The following PLXNA1 variants were observed in gnomAD, a reference collection of about 807,000 sequenced individuals.
The protein encoded by PLXNA1 is plexin A1.
PLXNA1 carries 77 observed loss-of-function variants against 191.7 expected under a neutral mutation model. That is an observed-to-expected ratio of 0.40 (90% CI 0.33 to 0.49). The LOEUF (loss-of-function observed/expected upper bound fraction) is 0.49. PLXNA1 is among the 20% of genes least tolerant of loss of function. The pLI is 0.63. For missense variants in PLXNA1, 2,110 were observed against 2,660.2 expected (o/e 0.79, Z 4.55); for synonymous variants, 1,137 against 1,156.4 (o/e 0.98, Z 0.34).
chr3:126,993,035 C>T (rs73194710), intron 3 of PLXNA1, among the ~76,000 whole-genome samples: 11,880 of 152,196 alleles, frequency 0.078, 576 homozygotes, highest in South Asian at 0.21. Flanking sequence ...AGCCAGTGAC[C>T]AGGTTCCTCT....
In PLXNA1 at chr3:126,984,744, G is replaced by A. The variant is rs562760811; in HGVS notation, c.-74+1457G>A. 3.3e-5 allele frequency among the ~76,000 whole-genome samples: 5 copies of A among 152,334 alleles called. No individual in the cohort carries two copies. In the South Asian group the frequency reaches 1.0e-3, roughly 32 times the overall value. On this transcript the variant is annotated intron_variant, in intron 1 of 31. Transcript: ENST00000393409. ...GACACATGAGGTGCCTGTGGACAAA[G>A]CAGACAGCCCTTTGCTGGACTCCTG... is the stretch of plus-strand genomic sequence containing the variant.
At position 126,991,572 on chromosome 3, in the gene PLXNA1, G is replaced by T; in HGVS notation, c.1377+6G>T. The T allele has an allele frequency of 5.8e-6, 9 of 1,557,422 alleles. No individual in the cohort carries two copies. Among genetic ancestry groups the T allele is most frequent in the Non-Finnish European group, 7.8e-6 (9 of 1,147,370 alleles). ...GAAGTGGCCGCATCCGCAAGGTCAG[G>T]CCTGGGTGGGGTGGGGTGAGGAGGG... On this transcript the variant is annotated splice_donor_region_variant and intron_variant, in intron 3 of 31. Transcript: ENST00000393409.
chr3:127,004,910 C>T lies in PLXNA1; in HGVS notation c.1645C>T (p.Arg549Ter), dbSNP rs1337289788. Residue 549 changes from arginine (R) to a stop codon, truncating the protein, a stop_gained, in exon 6 of 32, where the codon CGA (arginine) becomes TGA (stop). Coordinates refer to ENST00000393409, the MANE Select transcript of PLXNA1 (RefSeq NM_032242.4). LOFTEE classifies it high-confidence loss of function. ...SICSRRDACERADEPQRFAAD... is the reference protein window; with the variant it reads ...SICSRRDACE ...CTGCTCGCGGCGGGACGCCTGTGAG[C>T]GAGCAGACGAGCCCCAGCGCTTTGC... The T allele has an allele frequency of 2.5e-6, 4 of 1,604,236 alleles. No individual in the cohort carries two copies. Among genetic ancestry groups the T allele is most frequent in the South Asian group, 1.1e-5 (1 of 90,544 alleles).
intron 3 of PLXNA1, among the ~76,000 whole-genome samples, chr3:127,000,430 G>A (rs1392663250): frequency 6.6e-6 from 1 of 152,140 alleles, no homozygotes; most frequent in African/African-American, 2.4e-5. Flanking sequence ...TCGGCACGTG[G>A]GCTCCCGGCC....
At chr3:127,023,388 A>G (rs898294716) in intron 23 of PLXNA1, among the ~76,000 whole-genome samples, 4 of 152,102 alleles carry the variant, frequency 2.6e-5, no homozygotes, top group African/African-American at 9.7e-5. Context: ...CGATGTTGGG[A>G]CTTTTACAGA....
At chr3:126,986,374 C>T (rs1288293085) in intron 1 of PLXNA1, among the ~76,000 whole-genome samples, 1 of 152,188 alleles carries the variant, frequency 6.6e-6, no homozygotes, top group African/African-American at 2.4e-5. Context: ...CTAGGAGCAC[C>T]CTGCAGTTCC....
chr3:127,018,298 G>T lies in PLXNA1; in HGVS notation c.3665G>T (p.Arg1222Leu). The T allele has an allele frequency of 6.3e-7, 1 of 1,599,700 alleles. No individual in the cohort carries two copies. The highest frequency in any genetic ancestry group is 8.5e-7 in the Non-Finnish European group (1 of 1,173,426). Residue 1222 changes from arginine to leucine, a missense_variant, in exon 20 of 32, where the codon CGG (arginine) becomes CTG (leucine). By Grantham distance (102) the Arg-to-Leu change is moderately radical. Transcript: ENST00000393409. The part of the protein sequence containing the change: ...NLTGQHKVTV[R>L]AGGFEFSPGT... ...GTGGCCTCCACCCACTGGCAGGTGC[G>T]GGCAGGTGGCTTCGAGTTCTCGCCA...
At chr3:126,999,591 C>T (rs2079030073) in intron 3 of PLXNA1, among the ~76,000 whole-genome samples, 1 of 152,226 alleles carries the variant, frequency 6.6e-6, no homozygotes, top group Admixed American at 6.5e-5. Context: ...TGCCCTCAGC[C>T]CGGAGAATGG....
intron 30 of PLXNA1, 22 bp downstream of exon 30, chr3:127,032,621 C>A (rs756162633): frequency 1.3e-6 from 2 of 1,591,708 alleles, no homozygotes; most frequent in Admixed American, 3.3e-5. Context: ...GTGCAGGGGT[C>A]GGGGGCAGGG....
intron 3 of PLXNA1, among the ~76,000 whole-genome samples, chr3:126,995,315 C>T (rs2079010082): frequency 6.6e-6 from 1 of 152,106 alleles, no homozygotes; most frequent in South Asian, 2.1e-4. Context: ...CCTCCCGTGG[C>T]CTCTGGGGAC....
intron 31 of PLXNA1, among the ~76,000 whole-genome samples, chr3:127,033,103 C>A (rs367964033): frequency 2.0e-5 from 3 of 152,202 alleles, no homozygotes; most frequent in Non-Finnish European, 4.4e-5. Flanking sequence ...CTTCCTGAGG[C>A]AGAGGGTGTG....
In PLXNA1 at chr3:127,018,370, T is replaced by C; in HGVS notation, c.3737T>C (p.Ile1246Thr). 9 of 1,613,034 alleles carry C rather than the reference T, an allele frequency of 5.6e-6. No homozygotes were observed. Among genetic ancestry groups the C allele is most frequent in the Non-Finnish European group, 6.8e-6 (8 of 1,179,960 alleles). ...GACAGCCTGCTGACGCTGCCTGCCATTGTGGGCATTGGCGGAGGCGGGGGT... is the reference window on the plus strand; with the variant it reads ...GACAGCCTGCTGACGCTGCCTGCCACTGTGGGCATTGGCGGAGGCGGGGGT... ...YSDSLLTLPA[I>T]VGIGGGGGLL... The change falls in exon 20 of 32, where the codon ATT (isoleucine) becomes ACT (threonine). Residue 1246 changes from isoleucine to threonine, a missense_variant. Physicochemically the swap from Ile to Thr is moderately conservative, Grantham distance 89. Transcript: ENST00000393409.
chr3:127,032,027 C>T (rs989215665), intron 29 of PLXNA1: 17 of 248,938 alleles, frequency 6.8e-5, no homozygotes, highest in Admixed American at 5.5e-4. Context: ...AGCTGAGCTG[C>T]AGGTCTCAGT....
intron 9 of PLXNA1, among the ~76,000 whole-genome samples, chr3:127,009,146 G>C (rs78411776): frequency 6.6e-6 from 1 of 152,140 alleles, no homozygotes; most frequent in Non-Finnish European, 1.5e-5. Flanking sequence ...TGGCTTTGGC[G>C]CTGTGCGCAG....
intron 17 of PLXNA1, 96 bp from the exon 18 acceptor site, chr3:127,017,329 A>G: frequency 6.7e-7 from 1 of 1,490,810 alleles, no homozygotes; most frequent in East Asian, 2.4e-5. Context: ...TCATCTGTGC[A>G]GGGAGCAGGC....
Position 127,003,330 on chromosome 3 carries a change from A to G in PLXNA1, c.1378A>G (p.Ile460Val), listed in dbSNP as rs1272145423. 4 of 1,591,352 alleles carry G rather than the reference A, an allele frequency of 2.5e-6. No individual in the cohort carries two copies. The highest frequency in any genetic ancestry group is 3.4e-6 in the Non-Finnish European group (4 of 1,164,288). Residue 460 changes from isoleucine (I) to valine (V), a missense_variant and splice_region_variant, in exon 4 of 32, where the codon ATC (isoleucine) becomes GTC (valine). Coordinates refer to ENST00000393409, the MANE Select transcript of PLXNA1 (RefSeq NM_032242.4). ...AGTRSGRIRK[I>V]LVDLSNPGGR... ...CAGTTAGGGCCCCTTGCTGCCGCAG[A>G]TCCTGGTGGACCTCTCAAACCCCGG...
intron 9 of PLXNA1, among the ~76,000 whole-genome samples, chr3:127,011,215 C>A (rs2079094017): frequency 6.6e-6 from 1 of 152,220 alleles, no homozygotes; most frequent in Admixed American, 6.5e-5. Flanking sequence ...CAAGGTGCCA[C>A]CACCTGCCTC....
In PLXNA1 at chr3:126,989,453, T is replaced by G. The variant is rs2078978482; in HGVS notation, c.860T>G (p.Val287Gly). ...ACGTCCAAGATCGTGCGGCTCTGTGTGGACGACCCCAAATTCTACTCGTAC... is the reference window on the plus strand; with the variant it reads ...ACGTCCAAGATCGTGCGGCTCTGTGGGGACGACCCCAAATTCTACTCGTAC... ...FFTSKIVRLC[V>G]DDPKFYSYVE... The change falls in exon 2 of 32, where the codon GTG (valine) becomes GGG (glycine). Residue 287 changes from valine (V) to glycine (G), a missense_variant. This residue lies in a region of PLXNA1 where 903 missense variants were observed against 1,015.7 expected (regional missense o/e 0.89). Coordinates refer to ENST00000393409, the MANE Select transcript of PLXNA1 (RefSeq NM_032242.4). 6.2e-7 allele frequency: 1 copy of G among 1,613,692 alleles called. No individual in the cohort carries two copies. Among genetic ancestry groups the G allele is most frequent in the Non-Finnish European group, 8.5e-7 (1 of 1,180,050 alleles).
chr3:127,034,436 T>G lies in PLXNA1; in HGVS notation c.*419T>G. 3 of 158,510 alleles carry G rather than the reference T, an allele frequency of 1.9e-5. No individual in the cohort carries two copies. Among genetic ancestry groups the G allele is most frequent in the East Asian group, 1.8e-4 (1 of 5,536 alleles). The allele number at this position is 158,510 out of a possible 1,614,324, so 9.8% of individuals were successfully genotyped here. ...GGACAAGAGGCTGGGGGTGTCAGCA[T>G]TCCCAGCTTTCCAAGCTGCCCCCAG... On this transcript the variant is annotated 3_prime_UTR_variant, in exon 32 of 32. Coordinates refer to ENST00000393409, the MANE Select transcript of PLXNA1 (RefSeq NM_032242.4).
Sources: gnomAD v4.1 joint callset for allele counts (sites outside exome capture counted in the v4.1 genomes callset) on GRCh38, gnomAD v4.1.1 for gene constraint, gnomAD v4.1.1 regional missense constraint, MANE v1.5 for transcripts, NCBI Gene and HGNC (gene_info 2026-07-23, HGNC 2026-07-21) for gene names.